Variants in BRCA1 observed in about 807,000 individuals in gnomAD.
BRCA1 encodes breast cancer type 1 susceptibility protein.
BRCA1 carries 140 observed loss-of-function variants against 173.7 expected under a neutral mutation model. That is an observed-to-expected ratio of 0.81 (90% CI 0.70 to 0.93). BRCA1 has a LOEUF of 0.93. Among genes scored for constraint, BRCA1 ranks in the 40% least tolerant of loss-of-function variants. The pLI, the probability that BRCA1 is intolerant of heterozygous loss-of-function variation, is 0.00. For missense variants in BRCA1, 1,983 were observed against 2,172.5 expected (o/e 0.91, Z 1.73); for synonymous variants, 662 against 756.0 (o/e 0.88, Z 2.04).
intron 1 of BRCA1, among the ~76,000 whole-genome samples, chr17:43,142,206 G>T (rs1310500860): frequency 6.6e-6 from 1 of 152,204 alleles, no homozygotes; most frequent in African/African-American, 2.4e-5. Flanking sequence ...GAGCCACTGT[G>T]CCCAGCCTAG....
intron 15 of BRCA1, among the ~76,000 whole-genome samples, chr17:43,069,664 C>A (rs1379434507): frequency 6.6e-6 from 1 of 152,178 alleles, no homozygotes; most frequent in Non-Finnish European, 1.5e-5. Flanking sequence ...TTATAGCCAT[C>A]ACTGTGCACT....
In BRCA1 at chr17:43,093,174, A is replaced by G. The variant is rs760864137; in HGVS notation, c.2357T>C (p.Leu786Pro). 2 of 1,613,936 alleles carry G rather than the reference A, an allele frequency of 1.2e-6. No individual in the cohort carries two copies. ...TGCCTTCCCTAGAGTGCTAACTTCC[A>G]GTAACGAGATACTTTCCTGAGTGCC... is the stretch of plus-strand genomic sequence containing the variant. ...DYGTQESISL[L>P]EVSTLGKAKT... The change falls in exon 10 of 23, where the codon CTG becomes CCG. Residue 786 changes from leucine (L) to proline (P), a missense_variant. Physicochemically the swap from Leu to Pro is moderately conservative, Grantham distance 98. Coordinates refer to ENST00000357654, the MANE Select transcript of BRCA1 (RefSeq NM_007294.4).
chr17:43,141,816 A>C (rs2056077676), intron 1 of BRCA1, among the ~76,000 whole-genome samples: 2 of 152,114 alleles, frequency 1.3e-5, no homozygotes, highest in Admixed American at 6.6e-5. Flanking sequence ...AAAATTTAGC[A>C]TAAAAATGTG....
intron 11 of BRCA1, among the ~76,000 whole-genome samples, chr17:43,090,603 G>C (rs1432145984): frequency 1.3e-5 from 2 of 152,188 alleles, no homozygotes; most frequent in African/African-American, 4.8e-5. Context: ...TCAAACTTCT[G>C]ACCTGAGGTG....
At chr17:43,106,636 T>C in intron 3 of BRCA1, 103 bp from the exon 4 acceptor site, 1 of 827,244 alleles carries the variant, frequency 1.2e-6, no homozygotes, top group Non-Finnish European at 1.9e-6. Flanking sequence ...ACAACTGCCC[T>C]TAAGAGCCAT....
chr17:43,135,300 C>T (rs1444515139), intron 1 of BRCA1, among the ~76,000 whole-genome samples: 5 of 152,174 alleles, frequency 3.3e-5, no homozygotes, highest in South Asian at 2.1e-4. Context: ...GCGCAGCGGC[C>T]GGCCCAGCGT....
intron 12 of BRCA1, 152 bp downstream of exon 12, chr17:43,082,252 G>T: frequency 1.2e-6 from 1 of 865,824 alleles, no homozygotes; most frequent in Non-Finnish European, 1.8e-6. Flanking sequence ...TATATTAGTT[G>T]TGAGCAGGGA....
At chr17:43,063,282 CTA>C (rs1597818657) in intron 18 of BRCA1, 49 bp downstream of exon 18, 11 of 1,455,014 alleles carry the variant, frequency 7.6e-6, no homozygotes, top group Non-Finnish European at 9.7e-6. Context: ...ACATTTTTAA[CTA>C]TATGACTGAA....
chr17:43,044,759 C>CAAAT lies in BRCA1; in HGVS notation c.*915_*918dup, dbSNP rs1426451813. The CAAAT allele has an allele frequency of 6.1e-6, 3 of 492,394 alleles. No homozygotes were observed. The highest frequency in any genetic ancestry group is 4.7e-5 in the South Asian group (3 of 63,398). The allele number at this position is 492,394 out of a possible 1,614,324, so 30.5% of individuals were successfully genotyped here. The stretch of plus-strand genomic sequence containing the variant: ...TAGAACACATTCTTTAGAAATCTAG[C>CAAAT]AAATATATCTCAGACTTTTAGAAAT... On this transcript the variant is annotated 3_prime_UTR_variant, in exon 23 of 23. Transcript: ENST00000357654.
intron 10 of BRCA1, 23 bp downstream of exon 10, chr17:43,091,412 A>G (rs2154263897): frequency 6.2e-7 from 1 of 1,613,908 alleles, no homozygotes; most frequent in Non-Finnish European, 8.5e-7. Flanking sequence ...ACTGGGGCAA[A>G]CACAAAAACC....
chr17:43,059,630 T>C (rs546613713), intron 18 of BRCA1, among the ~76,000 whole-genome samples: 38 of 152,304 alleles, frequency 2.5e-4, no homozygotes, highest in South Asian at 4.1e-4. Flanking sequence ...ACAAGATCTA[T>C]TGTTCAAGCC....
chr17:43,138,481 G>A (rs752486553), intron 1 of BRCA1: 20 of 618,710 alleles, frequency 3.2e-5, no homozygotes, highest in East Asian at 5.5e-5. Context: ...TGACTCCACC[G>A]TAGACTCCAT....
intron 16 of BRCA1, among the ~76,000 whole-genome samples, chr17:43,066,561 C>T (rs2052079464): frequency 1.3e-5 from 2 of 152,062 alleles, no homozygotes; most frequent in Admixed American, 6.6e-5. Context: ...CAGGTGCACA[C>T]CACCACGCCC....
chr17:43,056,389 G>A (rs2051459001), intron 19 of BRCA1, among the ~76,000 whole-genome samples: 1 of 152,092 alleles, frequency 6.6e-6, no homozygotes, highest in Admixed American at 6.6e-5. Flanking sequence ...ATGTTGCCCA[G>A]GCTGGTATCG....
intron 19 of BRCA1, among the ~76,000 whole-genome samples, chr17:43,055,786 A>G (rs2051432234): frequency 6.6e-6 from 1 of 152,136 alleles, no homozygotes; most frequent in African/African-American, 2.4e-5. Context: ...ACAAAAAATT[A>G]GCTAGTTGTT....
chr17:43,145,959 A>G (rs1377080228), intron 1 of BRCA1, among the ~76,000 whole-genome samples: 6 of 152,162 alleles, frequency 3.9e-5, no homozygotes, highest in East Asian at 3.8e-4. Context: ...AATTACTTCC[A>G]TCCCCATGTT....
intron 11 of BRCA1, among the ~76,000 whole-genome samples, chr17:43,085,156 C>T (rs2053178133): frequency 6.6e-6 from 1 of 152,164 alleles, no homozygotes; most frequent in African/African-American, 2.4e-5. Flanking sequence ...ACTTTTAATA[C>T]AGCTACATTA....
At chr17:43,163,489 C>A (rs960304627) in intron 1 of BRCA1, 6 of 152,252 alleles carry the variant, frequency 3.9e-5, no homozygotes, top group African/African-American at 1.2e-4. Flanking sequence ...TATTTGATTT[C>A]AAGCTTTAAA....
rs8176192 is a variant in BRCA1, at chr17:43,079,681, G to C, written c.4357+2723C>G. 0.04 allele frequency: 41,633 copies of C among 1,039,556 alleles called. 7,085 individuals carry two copies. The African/African-American group carries it at 0.46, about 11-fold the overall frequency. The allele number at this position is 1,039,556 out of a possible 1,614,324, so 64.4% of individuals were successfully genotyped here. A position where few individuals can be genotyped will look rare whatever the true frequency, so the allele number is the denominator to read the frequency against. ...AAGAGAAAGGTACGTGGGTTCAACT[G>C]AAGCACCAGCCTGCTCCACCCAGAG... On this transcript the variant is annotated intron_variant, in intron 12 of 22. Coordinates refer to ENST00000357654, the MANE Select transcript of BRCA1 (RefSeq NM_007294.4).
Sources: gnomAD v4.1 joint callset for allele counts (sites outside exome capture counted in the v4.1 genomes callset) on GRCh38, gnomAD v4.1.1 for gene constraint, MANE v1.5 for transcripts, NCBI Gene and HGNC (gene_info 2026-07-23, HGNC 2026-07-21) for gene names.